KCNN2: variants seen among roughly 807,000 people sequenced by gnomAD.
KCNN2 encodes small conductance calcium-activated potassium channel protein 2.
In KCNN2, 24 loss-of-function variants were observed where a neutral mutation model predicts 55.5. The ratio of observed to expected loss-of-function variants is 0.43; its 90% CI spans 0.31 to 0.61. KCNN2 has a LOEUF of 0.61. Among genes scored for constraint, KCNN2 ranks in the 20% least tolerant of loss-of-function variants. KCNN2 has a pLI of 0.08. For missense variants in KCNN2, 754 were observed against 853.6 expected (o/e 0.88, Z 1.45); for synonymous variants, 431 against 336.1 (o/e 1.28, Z -3.09).
rs144508964 is a variant in KCNN2 at position 114,470,450 on chromosome 5, G to A, written c.1780-2604G>A. Among the ~76,000 whole-genome samples, 319 of 152,204 alleles carry A rather than the reference G, an allele frequency of 2.1e-3. 2 individuals carry two copies. The highest frequency in any genetic ancestry group is 3.9e-3 in the Admixed American group (60 of 15,286). ...TACAAAAGGCTAGCCTGTGTTTGTCGAGCATACGCTATACCATACAGCAGG... is the reference window on the plus strand; with the variant it reads ...TACAAAAGGCTAGCCTGTGTTTGTCAAGCATACGCTATACCATACAGCAGG... On this transcript the variant is annotated intron_variant, in intron 4 of 7. Coordinates refer to ENST00000673685, the MANE Select transcript of KCNN2 (RefSeq NM_021614.4).
At chr5:114,065,867 T>G (rs1356128947) in intron 1 of KCNN2, among the ~76,000 whole-genome samples, 2 of 144,356 alleles carry the variant, frequency 1.4e-5, no homozygotes, top group African/African-American at 2.6e-5. Flanking sequence ...TTTTTTTTTT[T>G]TTTTTTTTTT....
At chr5:114,468,908 A>G (rs1321899578) in intron 4 of KCNN2, among the ~76,000 whole-genome samples, 2 of 152,254 alleles carry the variant, frequency 1.3e-5, no homozygotes, top group Admixed American at 6.5e-5. Context: ...GCATAAGTAG[A>G]TGATTTAGGG....
chr5:114,125,023 C>G lies in KCNN2; in HGVS notation c.-271+68523C>G, dbSNP rs548076098. 8.0e-5 allele frequency among the ~76,000 whole-genome samples: 12 copies of G among 149,310 alleles called. No individual in the cohort carries two copies. In the East Asian group the frequency reaches 1.9e-3, roughly 24 times the overall value. ...GTGTCCTCAGTCAATACAGTAGTACCTGAGACACAGCCCTGAATAAATGTT... is the reference window on the plus strand; with the variant it reads ...GTGTCCTCAGTCAATACAGTAGTACGTGAGACACAGCCCTGAATAAATGTT... On this transcript the variant is annotated intron_variant, in intron 1 of 10. Transcript: ENST00000512097.
intron 2 of KCNN2, among the ~76,000 whole-genome samples, chr5:114,380,903 A>G (rs985206961): frequency 6.6e-6 from 1 of 152,168 alleles, no homozygotes; most frequent in African/African-American, 2.4e-5. Flanking sequence ...GGCAGGCATC[A>G]TGTTTGATTC....
At chr5:114,123,146 T>C (rs945094453) in intron 1 of KCNN2, among the ~76,000 whole-genome samples, 6 of 152,088 alleles carry the variant, frequency 3.9e-5, no homozygotes, top group Admixed American at 2.0e-4. Context: ...GAGGCAGTGT[T>C]TTTTTTGCCC....
intron 2 of KCNN2, among the ~76,000 whole-genome samples, chr5:114,309,793 A>C (rs969351923): frequency 6.6e-6 from 1 of 152,152 alleles, no homozygotes; most frequent in African/African-American, 2.4e-5. Flanking sequence ...TCCTGGCTCA[A>C]AGAGTGAAAA....
intron 3 of KCNN2, among the ~76,000 whole-genome samples, chr5:114,447,638 T>C (rs1357177872): frequency 2.0e-5 from 3 of 152,248 alleles, no homozygotes; most frequent in Non-Finnish European, 4.4e-5. Flanking sequence ...AGCTTCCCTT[T>C]GCAGTATTCC....
rs570171709 is a variant in KCNN2, at chr5:114,323,713, G to A, written c.-184-37232G>A. On this transcript the variant is annotated intron_variant, in intron 2 of 10. Coordinates refer to the KCNN2 transcript ENST00000512097. The stretch of plus-strand genomic sequence containing the variant: ...TCTCTGTTGCCAGCCTGGAATGCAC[G>A]GCCTGATCTCAGCTCACTGCAACCT... 1.7e-4 allele frequency among the ~76,000 whole-genome samples: 23 copies of A among 131,568 alleles called. 1 individual carries two copies. The highest frequency in any genetic ancestry group is 1.6e-3 in the Admixed American group (16 of 10,320). The allele number at this position is 131,568 out of a possible 152,430, so 86.3% of individuals were successfully genotyped here.
chr5:114,240,781 C>T (rs555682272), intron 2 of KCNN2, among the ~76,000 whole-genome samples: 3 of 152,216 alleles, frequency 2.0e-5, no homozygotes, highest in African/African-American at 7.2e-5. Context: ...CTGCTTATCA[C>T]TGCTATTACT....
At position 114,362,471 on chromosome 5, in the gene KCNN2, C is replaced by T. The variant is rs1757458379; in HGVS notation, c.332C>T (p.Ser111Phe). 2 of 444,304 alleles carry T rather than the reference C, an allele frequency of 4.5e-6. No homozygotes were observed. The highest frequency in any genetic ancestry group is 7.9e-6 in the Non-Finnish European group (2 of 253,120). The allele number at this position is 444,304 out of a possible 1,614,324, so 27.5% of individuals were successfully genotyped here. ...ACCTCCTCGCCGCTGTCGGGCTCGTCCTGCTGCTGCTGCTGCTGCTCGTCG... is the reference window on the plus strand; with the variant it reads ...ACCTCCTCGCCGCTGTCGGGCTCGTTCTGCTGCTGCTGCTGCTGCTCGTCG... The part of the protein sequence containing the change: ...TRTSSPLSGS[S>F]CCCCCCSSRR... Residue 111 changes from serine (S) to phenylalanine (F), a missense_variant, in exon 1 of 8, where the codon TCC becomes TTC. By Grantham distance (155) the Ser-to-Phe change is radical. Transcript: ENST00000673685.
chr5:114,483,432 G>A (rs1403096469), intron 5 of KCNN2, among the ~76,000 whole-genome samples: 4 of 151,474 alleles, frequency 2.6e-5, no homozygotes, highest in African/African-American at 4.8e-5. Context: ...GCTCAACCAC[G>A]CCCATCTAAT....
chr5:114,278,923 A>G (rs893244593), intron 2 of KCNN2, among the ~76,000 whole-genome samples: 4 of 152,150 alleles, frequency 2.6e-5, no homozygotes, highest in Admixed American at 6.5e-5. Flanking sequence ...ACTCAGTTGG[A>G]AATGCAGAAA....
chr5:114,181,741 G>A (rs1198043220), intron 1 of KCNN2, among the ~76,000 whole-genome samples: 2 of 152,156 alleles, frequency 1.3e-5, no homozygotes, highest in Non-Finnish European at 1.5e-5. Flanking sequence ...TGTGGGCAGG[G>A]TGTGGTGTCT....
chr5:114,192,150 T>C (rs1485779143), intron 1 of KCNN2, among the ~76,000 whole-genome samples: 1 of 152,216 alleles, frequency 6.6e-6, no homozygotes, highest in African/African-American at 2.4e-5. Flanking sequence ...AATTGATTTA[T>C]TGAGGCTTCC....
intron 1 of KCNN2, among the ~76,000 whole-genome samples, chr5:114,153,858 A>T (rs1752575301): frequency 6.6e-6 from 1 of 152,174 alleles, no homozygotes; most frequent in African/African-American, 2.4e-5. Context: ...CTGTGGTCAA[A>T]TGTATTTATT....
At chr5:114,475,637 G>A (rs1761931121) in intron 5 of KCNN2, among the ~76,000 whole-genome samples, 1 of 151,904 alleles carries the variant, frequency 6.6e-6, no homozygotes, top group Non-Finnish European at 1.5e-5. Context: ...AAGATTTTAA[G>A]CTTTTCCAGT....
chr5:114,080,176 A>C (rs536610164), intron 1 of KCNN2, among the ~76,000 whole-genome samples: 3 of 152,318 alleles, frequency 2.0e-5, no homozygotes, highest in African/African-American at 7.2e-5. Flanking sequence ...CTAAGCATGA[A>C]TATTCTACCG....
At chr5:114,229,535 A>G (rs1754312455) in intron 2 of KCNN2, among the ~76,000 whole-genome samples, 1 of 151,808 alleles carries the variant, frequency 6.6e-6, no homozygotes, top group South Asian at 2.1e-4. Flanking sequence ...TCTGTTTGTG[A>G]TTATTTGATT....
At chr5:114,088,326 C>G (rs1319709496) in intron 1 of KCNN2, among the ~76,000 whole-genome samples, 1 of 151,066 alleles carries the variant, frequency 6.6e-6, no homozygotes, top group East Asian at 1.9e-4. Flanking sequence ...TCTCAAAAAT[C>G]TCATTAAGAT....
Sources: gnomAD v4.1 joint callset for allele counts (sites outside exome capture counted in the v4.1 genomes callset) on GRCh38, gnomAD v4.1.1 for gene constraint, MANE v1.5 for transcripts, NCBI Gene and HGNC (gene_info 2026-07-23, HGNC 2026-07-21) for gene names.